The following DOCK3 variants were observed in gnomAD, a reference collection of about 807,000 sequenced individuals.
DOCK3 encodes dedicator of cytokinesis 3, also known as dedicator of cytokinesis protein 3.
In DOCK3, 60 loss-of-function variants were observed where a neutral mutation model predicts 265.6. The observed-to-expected ratio is 0.23, with a 90% CI of 0.18 to 0.28. DOCK3 has a LOEUF of 0.28. Ranked by LOEUF, DOCK3 falls within the 10% of genes least tolerant of loss-of-function variation. DOCK3 has a pLI of 1.00. For synonymous variants in DOCK3, 881 were observed against 938.0 expected (o/e 0.94, Z 1.11); for missense variants, 1,981 against 2,594.3 (o/e 0.76, Z 5.14).
chr3:50,754,457 T>C (rs2040030632), intron 1 of DOCK3, among the ~76,000 whole-genome samples: 1 of 152,068 alleles, frequency 6.6e-6, no homozygotes, highest in South Asian at 2.1e-4. Context: ...ATAAGAAAAC[T>C]TTTTAATTGA....
At chr3:51,230,877 T>C (rs1270669557) in intron 19 of DOCK3, among the ~76,000 whole-genome samples, 2 of 152,174 alleles carry the variant, frequency 1.3e-5, no homozygotes, top group Non-Finnish European at 2.9e-5. Flanking sequence ...TTCCATGTCT[T>C]ATGTTATTGT....
chr3:51,126,104 C>T (rs2084252424), intron 9 of DOCK3, among the ~76,000 whole-genome samples: 2 of 152,300 alleles, frequency 1.3e-5, no homozygotes, highest in South Asian at 4.1e-4. Context: ...TATCTAAGTA[C>T]AGTCAGAGAG....
At chr3:51,114,515 G>C (rs1333058206) in intron 9 of DOCK3, among the ~76,000 whole-genome samples, 1 of 152,184 alleles carries the variant, frequency 6.6e-6, no homozygotes, top group African/African-American at 2.4e-5. Flanking sequence ...TGGATAAGTA[G>C]AAACTTAACC....
intron 3 of DOCK3, among the ~76,000 whole-genome samples, chr3:50,856,755 C>T (rs1261743663): frequency 3.3e-5 from 5 of 151,934 alleles, no homozygotes; most frequent in Admixed American, 2.6e-4. Context: ...GACATTCTTG[C>T]CTTGTTCCAG....
intron 1 of DOCK3, among the ~76,000 whole-genome samples, chr3:50,776,833 G>T (rs1477813017): frequency 6.6e-6 from 1 of 151,950 alleles, no homozygotes; most frequent in Non-Finnish European, 1.5e-5. Flanking sequence ...TAAGGTGTCT[G>T]TATTAATCCA....
intron 23 of DOCK3, among the ~76,000 whole-genome samples, chr3:51,267,547 G>A (rs1334651886): frequency 6.6e-6 from 1 of 151,994 alleles, no homozygotes; most frequent in Non-Finnish European, 1.5e-5. Flanking sequence ...ACCATGTTCA[G>A]CTAATTTTTT....
intron 1 of DOCK3, among the ~76,000 whole-genome samples, chr3:50,740,750 C>T (rs531136579): frequency 6.6e-6 from 1 of 152,186 alleles, no homozygotes; most frequent in Admixed American, 6.6e-5. Flanking sequence ...ATTTGTCATG[C>T]ATTTTGTTGA....
chr3:50,705,807 A>G (rs1358598600), intron 1 of DOCK3, among the ~76,000 whole-genome samples: 1 of 152,076 alleles, frequency 6.6e-6, no homozygotes, highest in Non-Finnish European at 1.5e-5. Flanking sequence ...AGGCAGGTGG[A>G]TCACTTGAGG....
At position 50,948,531 on chromosome 3, in the gene DOCK3, G is replaced by A. The variant is rs1575594680; in HGVS notation, c.315+14454G>A. 2.0e-5 allele frequency among the ~76,000 whole-genome samples: 3 copies of A among 150,876 alleles called. No homozygotes were observed. In the East Asian group the frequency reaches 5.9e-4, roughly 30 times the overall value. On this transcript the variant is annotated intron_variant, in intron 5 of 52. Transcript: ENST00000266037. The stretch of plus-strand genomic sequence containing the variant: ...AGATCCTCCCATTTCAGCCTCTTGA[G>A]TAGCTGGGACCGCCAAACCCGGCTC...
In DOCK3 at chr3:50,919,495, T is replaced by C. The variant is rs369666853; in HGVS notation, c.219-14486T>C. 2.8e-3 allele frequency among the ~76,000 whole-genome samples: 428 copies of C among 152,234 alleles called. 17 individuals carry two copies. The South Asian group carries it at 0.084, about 30-fold the overall frequency. ...ATCCCTTGTAAGTTATATTCCTAGG[T>C]ATTTTATTCTCTTTCAAGCAGTTGT... On this transcript the variant is annotated intron_variant, in intron 4 of 52. Transcript: ENST00000266037.
At chr3:50,695,488 AG>A (rs2035555420) in intron 1 of DOCK3, among the ~76,000 whole-genome samples, 1 of 152,204 alleles carries the variant, frequency 6.6e-6, no homozygotes, top group African/African-American at 2.4e-5. Context: ...TTTCTGACCC[AG>A]TCAGATGTAA....
At chr3:50,858,422 T>TATAATAATAATAATAATA (rs149503894) in intron 3 of DOCK3, among the ~76,000 whole-genome samples, 113 of 124,088 alleles carry the variant, frequency 9.1e-4, no homozygotes, top group Middle Eastern at 4.1e-3. Flanking sequence ...TAACTTAAAA[T>TATAATAATAATAATAATA]ATAATAATAA....
chr3:51,197,123 G>T lies in DOCK3; in HGVS notation c.1038-11651G>T, dbSNP rs58565100. Among the ~76,000 whole-genome samples, 677 of 152,342 alleles carry T rather than the reference G, an allele frequency of 4.4e-3. 6 individuals are homozygous for T. Among genetic ancestry groups the T allele is most frequent in the African/African-American group, 0.015 (633 of 41,582 alleles). On this transcript the variant is annotated intron_variant, in intron 12 of 52. Transcript: ENST00000266037. ...TCATCTCTGTATGATTTCTTTGGCT[G>T]TAAACAGCATTAGTGGCATCTGTGA...
rs1183563885 is a variant in DOCK3 at position 50,675,370 on chromosome 3, A to G, written c.37+70A>G. The G allele has an allele frequency of 5.2e-6, 6 of 1,154,706 alleles. No homozygotes were observed. In the Admixed American group the frequency reaches 2.4e-4, roughly 46 times the overall value. 71.5% of individuals were successfully genotyped at this position (1,154,706 alleles called of 1,614,324 possible). On this transcript the variant is annotated intron_variant, in intron 1 of 52. Transcript: ENST00000266037. The surrounding 1 kb of genome is among the most constrained non-coding windows in gnomAD (Gnocchi z 6.1). ...GCGCCCAGCTCCCGGCCCCGCCTGG[A>G]TTCGCATCCTCGTGCCCCCGCCACT...
chr3:51,130,593 G>A (rs891950785), intron 9 of DOCK3, among the ~76,000 whole-genome samples: 3 of 152,182 alleles, frequency 2.0e-5, no homozygotes, highest in Non-Finnish European at 4.4e-5. Flanking sequence ...AGGCTAAATG[G>A]GAGAGTTGAA....
At chr3:51,215,232 C>T (rs1024154767) in intron 14 of DOCK3, among the ~76,000 whole-genome samples, 1 of 152,108 alleles carries the variant, frequency 6.6e-6, no homozygotes, top group African/African-American at 2.4e-5. Flanking sequence ...CTCAGCCTCC[C>T]GAGTAGCTGC....
At chr3:51,333,314 A>AT in intron 35 of DOCK3, 61 bp downstream of exon 35, 1 of 1,538,332 alleles carries the variant, frequency 6.5e-7, no homozygotes, top group African/African-American at 1.4e-5. Flanking sequence ...TGGCAAGGGA[A>AT]TCCCCCTGAC....
intron 9 of DOCK3, among the ~76,000 whole-genome samples, chr3:51,131,769 G>A (rs780454373): frequency 2.0e-5 from 3 of 152,150 alleles, no homozygotes; most frequent in Non-Finnish European, 4.4e-5. Context: ...TGTGACAGTT[G>A]AGTGCTGCCA....
intron 2 of DOCK3, among the ~76,000 whole-genome samples, chr3:50,792,237 T>C: frequency 6.6e-6 from 1 of 152,106 alleles, no homozygotes; most frequent in Non-Finnish European, 1.5e-5. Flanking sequence ...TGAGATTCTG[T>C]TCCGATTTGG....
Sources: gnomAD v4.1 joint callset for allele counts (sites outside exome capture counted in the v4.1 genomes callset) on GRCh38, gnomAD v4.1.1 for gene constraint, Gnocchi (gnomAD v3.1) non-coding constraint, MANE v1.5 for transcripts, NCBI Gene and HGNC (gene_info 2026-07-23, HGNC 2026-07-21) for gene names.